MRC1: variants seen among roughly 807,000 people sequenced by gnomAD.
MRC1 encodes the protein mannose receptor C-type 1, also known as macrophage mannose receptor 1.
A neutral mutation model predicts 102.9 loss-of-function variants in MRC1; 62 were observed. That is an observed-to-expected ratio of 0.60 (90% CI 0.49 to 0.74). The LOEUF (loss-of-function observed/expected upper bound fraction) is 0.74, where lower values mean the gene tolerates loss of function less well. MRC1 is among the 30% of genes least tolerant of loss of function. The pLI is 0.00. For missense variants in MRC1, 1,237 were observed against 862.8 expected, an observed-to-expected ratio of 1.43 and a Z score of -5.43; for synonymous variants, 457 against 298.4, an observed-to-expected ratio of 1.53 and a Z score of -5.48.
intron 28 of MRC1, among the ~76,000 whole-genome samples, chr10:17,908,519 C>G (rs1328763082): frequency 1.3e-5 from 2 of 151,962 alleles, no homozygotes; most frequent in African/African-American, 4.8e-5. Context: ...TCTAACTGTT[C>G]TAAGACACAC....
At chr10:17,867,564 G>C (rs902572348) in intron 12 of MRC1, among the ~76,000 whole-genome samples, 39 of 151,974 alleles carry the variant, frequency 2.6e-4, no homozygotes, top group African/African-American at 9.4e-4. Context: ...CTACAGATAT[G>C]CACCACCATG....
chr10:17,859,790 T>A (rs1833154820), intron 9 of MRC1, among the ~76,000 whole-genome samples: 1 of 152,204 alleles, frequency 6.6e-6, no homozygotes, highest in African/African-American at 2.4e-5. Flanking sequence ...TGACTTTAAT[T>A]TTTTGGCTGT....
chr10:17,833,592 C>G, intron 3 of MRC1, 83 bp from the exon 4 acceptor site: 1 of 773,448 alleles, frequency 1.3e-6, no homozygotes, highest in Non-Finnish European at 2.4e-6. Flanking sequence ...GGCAAAAATG[C>G]TCCTAGGTGG....
intron 26 of MRC1, among the ~76,000 whole-genome samples, chr10:17,903,407 T>C (rs1833856549): frequency 7.1e-6 from 1 of 141,028 alleles, no homozygotes; most frequent in African/African-American, 2.6e-5. Context: ...TTTTTTTTTT[T>C]TTTTTTGAGA....
At chr10:17,895,107 TG>T (rs1341123290) in intron 23 of MRC1, among the ~76,000 whole-genome samples, 2 of 152,106 alleles carry the variant, frequency 1.3e-5, no homozygotes, top group African/African-American at 4.8e-5. Context: ...CCCAGCTACC[TG>T]GGAGACTGAG....
intron 6 of MRC1, among the ~76,000 whole-genome samples, chr10:17,848,843 C>T (rs1322986090): frequency 1.3e-5 from 2 of 152,126 alleles, no homozygotes; most frequent in African/African-American, 4.8e-5. Flanking sequence ...TGTTCTGAGG[C>T]AACAAGTGGC....
chr10:17,901,899 G>T, intron 25 of MRC1, 74 bp from the exon 26 acceptor site: 1 of 778,728 alleles, frequency 1.3e-6, no homozygotes, highest in South Asian at 1.3e-5. Flanking sequence ...AGTTTTTGTA[G>T]CTGCTAATGT....
At chr10:17,868,449 GA>G (rs1802471326) in intron 12 of MRC1, among the ~76,000 whole-genome samples, 1 of 152,156 alleles carries the variant, frequency 6.6e-6, no homozygotes, top group Admixed American at 6.5e-5. Flanking sequence ...CAGCATGGGG[GA>G]AACTGCCTTC....
intron 24 of MRC1, among the ~76,000 whole-genome samples, chr10:17,898,900 A>G (rs1372916161): frequency 1.3e-5 from 2 of 152,138 alleles, no homozygotes; most frequent in Middle Eastern, 6.3e-3. Flanking sequence ...TAGCTAGCCA[A>G]CCAGCAAGCT....
chr10:17,833,898 C>G, intron 4 of MRC1, 59 bp downstream of exon 4: 1 of 772,714 alleles, frequency 1.3e-6, no homozygotes, highest in Non-Finnish European at 2.4e-6. Flanking sequence ...TATAATTTAA[C>G]TTAGAAGTCA....
intron 18 of MRC1, among the ~76,000 whole-genome samples, chr10:17,878,803 C>T (rs1833472534): frequency 6.6e-6 from 1 of 152,010 alleles, no homozygotes; most frequent in South Asian, 2.1e-4. Flanking sequence ...GCTGGGATGA[C>T]GGACATGCAC....
Position 17,856,257 on chromosome 10 carries a change from G to C in MRC1, c.1423G>C (p.Asp475His). 1 of 866,044 alleles carries C rather than the reference G, an allele frequency of 1.2e-6. No individual in the cohort carries two copies. Among genetic ancestry groups the C allele is most frequent in the Non-Finnish European group, 2.0e-6 (1 of 498,902 alleles). The allele number at this position is 866,044 out of a possible 1,614,324, so 53.6% of individuals were successfully genotyped here. Residue 475 changes from aspartate (D) to histidine (H), a missense_variant, in exon 9 of 30, where the codon GAT (aspartate) becomes CAT (histidine). Transcript: ENST00000569591. ...CTCCCTGCAGGATGGGTACTGGGCA[G>C]ATCGGGGCTGTGAGTGGCCTCTTGG... ...VMKGKDGYWA[D>H]RGCEWPLGYI...
Position 17,898,131 on chromosome 10 carries a change from G to C in MRC1, c.3348G>C (p.Trp1116Cys), listed in dbSNP as rs1833780364. Reference sequence around the variant, plus strand: ...CACTCATGAGACAAAAATTTCAATGGCATGAAGCGGAGACATACTGCAAGC... The same window carrying C: ...CACTCATGAGACAAAAATTTCAATGCCATGAAGCGGAGACATACTGCAAGC... ...SYSLMRQKFQ[W>C]HEAETYCKLH... Residue 1116 changes from tryptophan to cysteine, a missense_variant, in exon 24 of 30, where the codon TGG becomes TGC. By Grantham distance (215) the Trp-to-Cys change is radical. Coordinates refer to ENST00000569591, the MANE Select transcript of MRC1 (RefSeq NM_002438.4). The C allele has an allele frequency of 1.3e-6, 1 of 780,672 alleles. No individual in the cohort carries two copies. Among genetic ancestry groups the C allele is most frequent in the Non-Finnish European group, 2.4e-6 (1 of 417,958 alleles). The allele number at this position is 780,672 out of a possible 1,614,324, so 48.4% of individuals were successfully genotyped here.
At chr10:17,883,959 C>A (rs2130695782) in intron 21 of MRC1, among the ~76,000 whole-genome samples, 1 of 152,236 alleles carries the variant, frequency 6.6e-6, no homozygotes, top group Middle Eastern at 3.4e-3. Context: ...GTGATGTGAG[C>A]ACTTTATTAC....
At chr10:17,908,854 C>T (rs1228679952) in intron 28 of MRC1, among the ~76,000 whole-genome samples, 2 of 152,234 alleles carry the variant, frequency 1.3e-5, no homozygotes, top group East Asian at 1.9e-4. Flanking sequence ...CAGGCGTGAG[C>T]CACCACTCCT....
At chr10:17,863,373 G>C (rs1289642453) in intron 10 of MRC1, among the ~76,000 whole-genome samples, 161 bp from the exon 11 acceptor site, 4 of 152,142 alleles carry the variant, frequency 2.6e-5, no homozygotes, top group Non-Finnish European at 5.9e-5. Flanking sequence ...TGGTGACAAT[G>C]TGTATAATGT....
chr10:17,888,232 C>G (rs1020475831), intron 22 of MRC1, among the ~76,000 whole-genome samples: 1 of 152,148 alleles, frequency 6.6e-6, no homozygotes, highest in Non-Finnish European at 1.5e-5. Flanking sequence ...AACAGGTTTT[C>G]TGGATCAGAG....
intron 6 of MRC1, among the ~76,000 whole-genome samples, chr10:17,848,618 T>C (rs1838865321): frequency 6.6e-6 from 1 of 152,204 alleles, no homozygotes; most frequent in African/African-American, 2.4e-5. Context: ...TCTTTTCTAG[T>C]TCAGAAGAAC....
intron 4 of MRC1, among the ~76,000 whole-genome samples, chr10:17,838,333 C>T (rs1043797362): frequency 6.6e-6 from 1 of 152,138 alleles, no homozygotes; most frequent in Non-Finnish European, 1.5e-5. Context: ...CGTTTGCACA[C>T]TACCCACAGC....
Sources: allele counts gnomAD v4.1 joint callset (sites outside exome capture counted in the v4.1 genomes callset), GRCh38; gene constraint gnomAD v4.1.1; transcripts MANE v1.5; gene names NCBI Gene and HGNC (gene_info 2026-07-23, HGNC 2026-07-21).